The following WDPCP variants were observed in gnomAD, a reference collection of about 807,000 sequenced individuals.
WDPCP encodes the protein WD repeat containing planar cell polarity effector, also known as WD repeat-containing and planar cell polarity effector protein fritz homolog.
WDPCP carries 71 observed loss-of-function variants against 93.1 expected under a neutral mutation model. The ratio of observed to expected loss-of-function variants is 0.76; its 90% CI spans 0.63 to 0.93. WDPCP has a LOEUF of 0.93. Among genes scored for constraint, WDPCP ranks in the 40% least tolerant of loss-of-function variants. The probability of loss-of-function intolerance (pLI) is 0.00; values close to 1 mark genes in which losing one functional copy is unlikely to be tolerated. For missense variants in WDPCP, 844 were observed against 887.4 expected (o/e 0.95, Z 0.62); for synonymous variants, 315 against 315.0 (o/e 1.00, Z 0.00).
At chr2:63,140,111 T>C (rs1670945731) in intron 17 of WDPCP, among the ~76,000 whole-genome samples, 1 of 152,188 alleles carries the variant, frequency 6.6e-6, no homozygotes, top group Non-Finnish European at 1.5e-5. Context: ...TTGTTGAAAA[T>C]CAGTTGGCTG....
chr2:63,175,991 T>C (rs1404234900), intron 14 of WDPCP, among the ~76,000 whole-genome samples: 1 of 152,204 alleles, frequency 6.6e-6, no homozygotes, highest in African/African-American at 2.4e-5. Flanking sequence ...CTTTAAATTT[T>C]TGAGGAAATG....
At chr2:63,575,088 G>T (rs1261651147) in intron 1 of WDPCP, among the ~76,000 whole-genome samples, 1 of 151,774 alleles carries the variant, frequency 6.6e-6, no homozygotes, top group African/African-American at 2.4e-5. Flanking sequence ...ATACATATCT[G>T]TCATCAGTAA....
intron 14 of WDPCP, among the ~76,000 whole-genome samples, chr2:63,251,695 G>T (rs1680742102): frequency 1.3e-5 from 2 of 151,708 alleles, no homozygotes; most frequent in Non-Finnish European, 2.9e-5. Context: ...GTTTCACCGT[G>T]TTAGCCAGGA....
At chr2:63,701,875 G>A (rs1008595920) in intron 2 of WDPCP, among the ~76,000 whole-genome samples, 7 of 152,112 alleles carry the variant, frequency 4.6e-5, no homozygotes, top group Non-Finnish European at 1.0e-4. Context: ...GATGAAGAGA[G>A]GTTGACTAAT....
chr2:63,814,325 A>G (rs72808216), intron 1 of WDPCP, among the ~76,000 whole-genome samples: 26,883 of 151,474 alleles, frequency 0.18, 3,150 homozygotes, highest in Non-Finnish European at 0.24. Flanking sequence ...GGATGATTCG[A>G]AAAAAAAATA....
At chr2:63,238,446 T>A (rs902834545) in intron 14 of WDPCP, among the ~76,000 whole-genome samples, 1 of 152,180 alleles carries the variant, frequency 6.6e-6, no homozygotes, top group Non-Finnish European at 1.5e-5. Context: ...AATTGTGAAA[T>A]TTTAAAGAAT....
chr2:63,659,712 G>A (rs1233627618), intron 2 of WDPCP, among the ~76,000 whole-genome samples: 1 of 152,144 alleles, frequency 6.6e-6, no homozygotes, highest in Non-Finnish European at 1.5e-5. Context: ...CTAGTGTGTG[G>A]CAATTTGTTA....
chr2:63,261,226 T>A (rs1350993050), intron 13 of WDPCP, among the ~76,000 whole-genome samples: 1 of 151,382 alleles, frequency 6.6e-6, no homozygotes, highest in African/African-American at 2.4e-5. Flanking sequence ...ACACAAATTT[T>A]CAGCAATATA....
chr2:63,142,581 C>T (rs992432694), intron 17 of WDPCP, among the ~76,000 whole-genome samples: 7 of 152,002 alleles, frequency 4.6e-5, no homozygotes, highest in Admixed American at 1.3e-4. Context: ...GAGAAAGTTC[C>T]ATGCACTGTG....
chr2:63,359,635 C>A (rs990803288), intron 12 of WDPCP, among the ~76,000 whole-genome samples: 4 of 152,168 alleles, frequency 2.6e-5, no homozygotes, highest in Non-Finnish European at 4.4e-5. Context: ...CCAGACTTAG[C>A]AATCACTCTC....
intron 2 of WDPCP, among the ~76,000 whole-genome samples, chr2:63,719,232 G>A (rs1669381318): frequency 6.6e-6 from 1 of 152,198 alleles, no homozygotes; most frequent in African/African-American, 2.4e-5. Flanking sequence ...TGGAGCCAGA[G>A]AGAACTGGAA....
chr2:63,512,232 C>A (rs1372513938), intron 1 of WDPCP, among the ~76,000 whole-genome samples: 1 of 152,098 alleles, frequency 6.6e-6, no homozygotes, highest in Non-Finnish European at 1.5e-5. Context: ...ATTAAAAAGT[C>A]AGGAAACAAC....
intron 2 of WDPCP, among the ~76,000 whole-genome samples, chr2:63,722,404 A>G (rs1446506754): frequency 3.3e-5 from 4 of 119,962 alleles, no homozygotes; most frequent in East Asian, 2.7e-4. Flanking sequence ...TGTGAGGAGC[A>G]CCTCTGCCCG....
rs1034394947 is a variant in WDPCP at position 63,676,788 on chromosome 2, CACAT to C, written n.309-25954_309-25951del. 2.2e-3 allele frequency among the ~76,000 whole-genome samples: 110 copies of C among 49,662 alleles called. 1 individual carries two copies. The highest frequency in any genetic ancestry group is 2.1e-3 in the Non-Finnish European group (66 of 31,576). The allele number at this position is 49,662 out of a possible 152,430, so 32.6% of individuals were successfully genotyped here. On this transcript the variant is annotated intron_variant and non_coding_transcript_variant, in intron 2 of 4. Coordinates refer to the WDPCP transcript ENST00000467687. ...GATGTGAAAAAATTGCATAGAACTA[CACAT>C]ACACACACACACACACACACATATG...
chr2:63,413,656 G>A (rs1695184969), intron 9 of WDPCP, among the ~76,000 whole-genome samples: 1 of 152,144 alleles, frequency 6.6e-6, no homozygotes. Context: ...AAATTAGCCA[G>A]GTGTGGTGGC....
intron 2 of WDPCP, among the ~76,000 whole-genome samples, chr2:63,750,929 C>T (rs1669869397): frequency 6.6e-6 from 1 of 151,996 alleles, no homozygotes; most frequent in Admixed American, 6.6e-5. Context: ...TATTGGTAGG[C>T]AAATTTTTTT....
intron 3 of WDPCP, among the ~76,000 whole-genome samples, chr2:63,603,343 G>A (rs1222007871): frequency 6.6e-6 from 1 of 152,132 alleles, no homozygotes; most frequent in Non-Finnish European, 1.5e-5. Context: ...AAATATCAAA[G>A]TGTATTCCTT....
chr2:63,263,856 A>G (rs1005683909), intron 13 of WDPCP, among the ~76,000 whole-genome samples: 4 of 152,154 alleles, frequency 2.6e-5, no homozygotes, highest in Non-Finnish European at 5.9e-5. Context: ...GGGTAGTCAT[A>G]CTCATTGTAA....
chr2:63,161,818 C>T (rs940380128), intron 15 of WDPCP, among the ~76,000 whole-genome samples: 52 of 149,498 alleles, frequency 3.5e-4, no homozygotes, highest in African/African-American at 1.2e-3. Flanking sequence ...GGCTGGAGTG[C>T]GGTGGCACGA....
Sources: gnomAD v4.1 joint callset for allele counts (sites outside exome capture counted in the v4.1 genomes callset) on GRCh38, gnomAD v4.1.1 for gene constraint, MANE v1.5 for transcripts, NCBI Gene and HGNC (gene_info 2026-07-23, HGNC 2026-07-21) for gene names.